The following TRPS1 variants were observed in gnomAD, a reference collection of about 807,000 sequenced individuals.
The protein encoded by TRPS1 is transcriptional repressor GATA binding 1, also known as zinc finger transcription factor Trps1.
TRPS1 carries 6 observed loss-of-function variants against 101.2 expected under a neutral mutation model. The ratio of observed to expected loss-of-function variants is 0.06; its 90% CI spans 0.03 to 0.12. The LOEUF (loss-of-function observed/expected upper bound fraction) is 0.12, where lower values mean the gene tolerates loss of function less well. Ranked by LOEUF, TRPS1 falls within the 10% of genes least tolerant of loss-of-function variation. The pLI, the probability that TRPS1 is intolerant of heterozygous loss-of-function variation, is 1.00. For synonymous variants in TRPS1, 578 were observed against 589.8 expected, an observed-to-expected ratio of 0.98 and a Z score of 0.29; for missense variants, 1,363 against 1,567.0, an observed-to-expected ratio of 0.87 and a Z score of 2.20.
intron 5 of TRPS1, among the ~76,000 whole-genome samples, chr8:115,461,517 A>G (rs1814177893): frequency 6.6e-6 from 1 of 152,136 alleles, no homozygotes; most frequent in Non-Finnish European, 1.5e-5. Context: ...TTATTCACCC[A>G]TGTGTCCCCA....
chr8:115,603,064 TCTC>T (rs1362645411), intron 4 of TRPS1, among the ~76,000 whole-genome samples: 1 of 152,180 alleles, frequency 6.6e-6, no homozygotes, highest in Non-Finnish European at 1.5e-5. Flanking sequence ...GACTATGTCT[TCTC>T]TTGTATATTC....
intron 5 of TRPS1, among the ~76,000 whole-genome samples, chr8:115,549,288 T>C (rs999490883): frequency 3.3e-5 from 5 of 152,198 alleles, no homozygotes; most frequent in Non-Finnish European, 5.9e-5. Flanking sequence ...CTAAATTCAA[T>C]CACTGTCAAT....
chr8:115,440,832 G>A (rs533167594), intron 5 of TRPS1, among the ~76,000 whole-genome samples: 5 of 152,202 alleles, frequency 3.3e-5, no homozygotes, highest in South Asian at 4.1e-4. Flanking sequence ...ATTTTGTTGC[G>A]TTTTTCTTTT....
At chr8:115,531,971 T>C (rs773638260) in intron 5 of TRPS1, among the ~76,000 whole-genome samples, 26 of 152,066 alleles carry the variant, frequency 1.7e-4, no homozygotes, top group Non-Finnish European at 3.5e-4. Flanking sequence ...TATGGGGCTG[T>C]TGCCATGAGG....
intron 3 of TRPS1, among the ~76,000 whole-genome samples, chr8:115,606,226 T>C (rs1171937057): frequency 2.0e-5 from 3 of 152,184 alleles, no homozygotes; most frequent in Non-Finnish European, 4.4e-5. Context: ...TGTAGTACAC[T>C]GAGAGATATG....
intron 5 of TRPS1, among the ~76,000 whole-genome samples, chr8:115,455,943 C>A (rs1298697765): frequency 6.6e-6 from 1 of 151,600 alleles, no homozygotes; most frequent in Non-Finnish European, 1.5e-5. Flanking sequence ...CGCCACTATG[C>A]CCAGCTAATT....
chr8:115,569,271 A>T (rs750836910), intron 5 of TRPS1, among the ~76,000 whole-genome samples: 16 of 152,098 alleles, frequency 1.1e-4, no homozygotes, highest in Non-Finnish European at 1.6e-4. Context: ...CACCATCAAG[A>T]CTAAGAAGAA....
At chr8:115,649,300 T>C (rs1013146299) in intron 1 of TRPS1, among the ~76,000 whole-genome samples, 1 of 152,170 alleles carries the variant, frequency 6.6e-6, no homozygotes, top group African/African-American at 2.4e-5. Context: ...ATTATAATAC[T>C]ACCTTGGAAG....
At chr8:115,462,525 C>T (rs1201427576) in intron 5 of TRPS1, among the ~76,000 whole-genome samples, 1 of 152,018 alleles carries the variant, frequency 6.6e-6, no homozygotes, top group East Asian at 1.9e-4. Flanking sequence ...GCTTAGAGGA[C>T]ATCCGACACA....
Position 115,475,262 on chromosome 8 carries a change from A to T in TRPS1, c.2701-56810T>A, listed in dbSNP as rs1028826631. On this transcript the variant is annotated intron_variant, in intron 5 of 6. Transcript: ENST00000395715. ...TAATTTTACTATATATTTTTGAATC[A>T]CAGTTATATATATATATATATATAT... 2.6e-5 allele frequency among the ~76,000 whole-genome samples: 3 copies of T among 115,918 alleles called. No homozygotes were observed. In the East Asian group the frequency reaches 7.6e-4, roughly 29 times the overall value. 76.0% of individuals were successfully genotyped at this position (115,918 alleles called of 152,430 possible). A position where few individuals can be genotyped will look rare whatever the true frequency, so the allele number is the denominator to read the frequency against.
chr8:115,463,118 C>T (rs1037172062), intron 5 of TRPS1, among the ~76,000 whole-genome samples: 24 of 152,252 alleles, frequency 1.6e-4, no homozygotes, highest in African/African-American at 5.5e-4. Context: ...TGAATAAATG[C>T]ATTCATGATA....
At chr8:115,563,374 CTA>C (rs1816993319) in intron 5 of TRPS1, among the ~76,000 whole-genome samples, 1 of 152,050 alleles carries the variant, frequency 6.6e-6, no homozygotes, top group Non-Finnish European at 1.5e-5. Flanking sequence ...GCACAAAAGG[CTA>C]ACCCCTTACA....
chr8:115,589,257 G>A (rs1369875399), intron 4 of TRPS1, among the ~76,000 whole-genome samples: 1 of 152,150 alleles, frequency 6.6e-6, no homozygotes, highest in Non-Finnish European at 1.5e-5. Context: ...CTCGTCAAAG[G>A]TAAAGGAAGG....
At chr8:115,638,638 C>T (rs142672550) in intron 1 of TRPS1, among the ~76,000 whole-genome samples, 1 of 152,240 alleles carries the variant, frequency 6.6e-6, no homozygotes, top group Non-Finnish European at 1.5e-5. Context: ...TACACACTTA[C>T]ACACAGAGTT....
chr8:115,421,796 C>T (rs144818425), intron 5 of TRPS1, among the ~76,000 whole-genome samples: 3 of 152,224 alleles, frequency 2.0e-5, no homozygotes, highest in East Asian at 1.9e-4. Context: ...CATACAGATG[C>T]GAGCCCTGAC....
intron 3 of TRPS1, among the ~76,000 whole-genome samples, chr8:115,605,531 T>C (rs1047474330): frequency 1.3e-5 from 2 of 152,088 alleles, no homozygotes; most frequent in African/African-American, 4.8e-5. Flanking sequence ...AAAATAAAGG[T>C]GCTCCAATGA....
At position 115,619,194 on chromosome 8, in the gene TRPS1, C is replaced by G. The variant is rs1401310240; in HGVS notation, c.904G>C (p.Gly302Arg). The G allele has an allele frequency of 3.7e-6, 6 of 1,614,012 alleles. No homozygotes were observed. The East Asian group carries it at 1.3e-4, about 36-fold the overall frequency. ...FQKVNRSVFS[G>R]VLQDINSSRP... ...GAAGAATTGATGTCCTGCAGCACACCAGAAAACACAGAACGGTTGACCTTC... is the reference window on the plus strand; with the variant it reads ...GAAGAATTGATGTCCTGCAGCACACGAGAAAACACAGAACGGTTGACCTTC... Residue 302 changes from glycine to arginine, a missense_variant, in exon 3 of 7, where the codon GGT (glycine) becomes CGT (arginine). Gly to Arg is a moderately radical substitution (Grantham distance 125). Around this residue, in one of 5 missense-constraint regions of TRPS1, gnomAD observed 1,020 missense variants for 1,073.0 expected, o/e 0.95. Coordinates refer to ENST00000395715, the MANE Select transcript of TRPS1 (RefSeq NM_014112.5).
At chr8:115,466,646 G>A (rs754102622) in intron 5 of TRPS1, among the ~76,000 whole-genome samples, 1 of 152,024 alleles carries the variant, frequency 6.6e-6, no homozygotes, top group Non-Finnish European at 1.5e-5. Flanking sequence ...GGAGGGAGCA[G>A]GATAAAAGAG....
intron 5 of TRPS1, among the ~76,000 whole-genome samples, chr8:115,486,830 T>G (rs1262284239): frequency 6.6e-6 from 1 of 152,170 alleles, no homozygotes; most frequent in South Asian, 2.1e-4. Flanking sequence ...AGAAGCCATC[T>G]CCATATAAAA....
Sources: gnomAD v4.1 joint callset for allele counts (sites outside exome capture counted in the v4.1 genomes callset) on GRCh38, gnomAD v4.1.1 for gene constraint, gnomAD v4.1.1 regional missense constraint, MANE v1.5 for transcripts, NCBI Gene and HGNC (gene_info 2026-07-23, HGNC 2026-07-21) for gene names.